Variants in PIEZO2 observed in about 807,000 individuals in gnomAD.
PIEZO2 encodes piezo type mechanosensitive ion channel component 2.
PIEZO2 carries 172 observed loss-of-function variants against 337.3 expected under a neutral mutation model. The ratio of observed to expected loss-of-function variants is 0.51; its 90% CI spans 0.45 to 0.58. PIEZO2 has a LOEUF of 0.58. Among genes scored for constraint, PIEZO2 ranks in the 20% least tolerant of loss-of-function variants. The probability of loss-of-function intolerance (pLI) is 0.00; values close to 1 mark genes in which losing one functional copy is unlikely to be tolerated. For synonymous variants in PIEZO2, 1,251 were observed against 1,228.5 expected, an observed-to-expected ratio of 1.02 and a Z score of -0.38; for missense variants, 3,028 against 3,391.3, an observed-to-expected ratio of 0.89 and a Z score of 2.66.
chr18:11,028,322 G>A lies in PIEZO2; in HGVS notation c.160+37805C>T, dbSNP rs577497057. ...GTTGCCCATGCTGGAGTGCAATGGCGTGATCTCGGCTCATTGCAACCTCTG... is the reference window on the plus strand; with the variant it reads ...GTTGCCCATGCTGGAGTGCAATGGCATGATCTCGGCTCATTGCAACCTCTG... On this transcript the variant is annotated intron_variant, in intron 2 of 55. Coordinates refer to ENST00000674853, the MANE Select transcript of PIEZO2 (RefSeq NM_001378183.1). This position sits in a 1 kb window ranked among gnomAD's most constrained non-coding sequence, Gnocchi z 4.8. 2.8e-4 allele frequency among the ~76,000 whole-genome samples: 42 copies of A among 151,772 alleles called. 1 individual carries two copies. The highest frequency in any genetic ancestry group is 8.5e-4 in the African/African-American group (35 of 41,318).
At position 10,979,038 on chromosome 18, in the gene PIEZO2, C is replaced by T. The variant is rs955077771; in HGVS notation, c.286+497G>A. 6.6e-6 allele frequency among the ~76,000 whole-genome samples: 1 copy of T among 152,038 alleles called. No individual in the cohort carries two copies. Among genetic ancestry groups the T allele is most frequent in the Non-Finnish European group, 1.5e-5 (1 of 68,000 alleles). On this transcript the variant is annotated intron_variant, in intron 3 of 55. Transcript: ENST00000674853. This position sits in a 1 kb window ranked among gnomAD's most constrained non-coding sequence, Gnocchi z 4.0. The stretch of plus-strand genomic sequence containing the variant: ...TATAAATACTAATAAAAAAAACCTT[C>T]CAATTCAGAAAAGAAACTACATGTG...
At chr18:10,762,042 G>A (rs78389419) in intron 23 of PIEZO2, among the ~76,000 whole-genome samples, 2,315 of 152,252 alleles carry the variant, frequency 0.015, 60 homozygotes, top group African/African-American at 0.051. Flanking sequence ...TTTACACAGC[G>A]AAAATGTCTT....
chr18:10,789,214 C>T lies in PIEZO2; in HGVS notation c.2034G>A (p.Leu678=), dbSNP rs929907756. 33 of 1,537,214 alleles carry T rather than the reference C, an allele frequency of 2.1e-5. No individual in the cohort carries two copies. The highest frequency in any genetic ancestry group is 2.9e-5 in the Non-Finnish European group (33 of 1,146,936). The change falls in exon 15 of 56, where the codon CTG becomes CTA. Residue 678 remains leucine, a synonymous_variant. Transcript: ENST00000674853. ...EQDIMKVLGN[L]VVAMFIKYWI... Reference sequence around the variant, plus strand: ...AGTACTTGATGAACATGGCCACCACCAGATTGCCCAGGACTTTCATGATGT... The same window carrying T: ...AGTACTTGATGAACATGGCCACCACTAGATTGCCCAGGACTTTCATGATGT...
chr18:10,867,686 T>C (rs1036833790), intron 5 of PIEZO2, among the ~76,000 whole-genome samples: 3 of 152,182 alleles, frequency 2.0e-5, no homozygotes, highest in African/African-American at 7.2e-5. Context: ...TCTCATATAA[T>C]AGCTAGAAAG....
At position 10,711,785 on chromosome 18, in the gene PIEZO2, G is replaced by A. The variant is rs756586809; in HGVS notation, c.5423+2979C>T. On this transcript the variant is annotated intron_variant, in intron 39 of 55. Coordinates refer to ENST00000674853, the MANE Select transcript of PIEZO2 (RefSeq NM_001378183.1). ...TGTACGTGATCGTATTCTTCACCGC[G>A]CAGGAGGAAACGATTCCAGTTGAAT... Among the ~76,000 whole-genome samples, 10 of 152,232 alleles carry A rather than the reference G, an allele frequency of 6.6e-5. 1 individual carries two copies. The Middle Eastern group carries it at 0.01, about 155-fold the overall frequency.
Position 10,797,507 on chromosome 18 carries a change from T to C in PIEZO2, c.1394A>G (p.Glu465Gly), listed in dbSNP as rs1243343111. 23 of 1,536,988 alleles carry C rather than the reference T, an allele frequency of 1.5e-5. No individual in the cohort carries two copies. Among genetic ancestry groups the C allele is most frequent in the Non-Finnish European group, 1.9e-5 (22 of 1,146,834 alleles). ...SDESSEKREE[E>G]EEEKEEFEEE... ...TTCAAATTCTTCTTTCTCTTCCTCT[T>C]CCTCCTCTCGCTTTTCTAGATGGAC... Residue 465 changes from glutamate (E) to glycine (G), a missense_variant, in exon 12 of 56, where the codon GAA becomes GGA. This residue lies in a region of PIEZO2 where 542 missense variants were observed against 605.6 expected (regional missense o/e 0.89). Coordinates refer to ENST00000674853, the MANE Select transcript of PIEZO2 (RefSeq NM_001378183.1).
At chr18:10,844,880 A>G (rs542700581) in intron 7 of PIEZO2, among the ~76,000 whole-genome samples, 1 of 152,108 alleles carries the variant, frequency 6.6e-6, no homozygotes, top group Non-Finnish European at 1.5e-5. Flanking sequence ...CATACAAAGT[A>G]ACTGACCAAA....
At chr18:10,738,068 T>C (rs888000553) in intron 33 of PIEZO2, 1 of 152,218 alleles carries the variant, frequency 6.6e-6, no homozygotes, top group Non-Finnish European at 1.5e-5. Flanking sequence ...TATTTTCATT[T>C]TGAAGAAAGA....
rs1265622383 is a variant in PIEZO2 at position 10,894,793 on chromosome 18, G to T, written c.329+16393C>A. ...CCTGCTCTAAAGCTTTTTAATAAAT[G>T]TTCACTCTTGCTCTAAATCTTGCCT... On this transcript the variant is annotated intron_variant, in intron 4 of 55. Transcript: ENST00000674853. This position sits in a 1 kb window ranked among gnomAD's most constrained non-coding sequence, Gnocchi z 4.1. The T allele has an allele frequency of 6.6e-6, 1 of 152,188 alleles. No homozygotes were observed. Among genetic ancestry groups the T allele is most frequent in the Admixed American group, 6.5e-5 (1 of 15,278 alleles). The allele number at this position is 152,188 out of a possible 1,614,324, so 9.4% of individuals were successfully genotyped here. A position where few individuals can be genotyped will look rare whatever the true frequency, so the allele number is the denominator to read the frequency against.
chr18:10,768,448 C>G (rs1352174621), intron 21 of PIEZO2, among the ~76,000 whole-genome samples: 1 of 152,082 alleles, frequency 6.6e-6, no homozygotes, highest in Non-Finnish European at 1.5e-5. Context: ...TGTCAAGAAC[C>G]CAGAGACCAA....
chr18:10,830,460 C>G lies in PIEZO2; in HGVS notation c.918-23186G>C, dbSNP rs761615746. Among the ~76,000 whole-genome samples, 14 of 151,884 alleles carry G rather than the reference C, an allele frequency of 9.2e-5. No homozygotes were observed. In the South Asian group the frequency reaches 2.9e-3, roughly 32 times the overall value. ...TTATTGAAGAGACTGTCCTTTCCCC[C>G]CTTTTATGCCTCTGGTTGCACTTGA... On this transcript the variant is annotated intron_variant, in intron 7 of 55. Coordinates refer to ENST00000674853, the MANE Select transcript of PIEZO2 (RefSeq NM_001378183.1). This position sits in a 1 kb window ranked among gnomAD's most constrained non-coding sequence, Gnocchi z 4.7.
In PIEZO2 at chr18:10,853,376, C is replaced by G. The variant is rs941486335; in HGVS notation, c.917+1977G>C. Reference sequence around the variant, plus strand: ...TACTTCACTTCCTTTCATTCCTGCTCTAAAGCTTTTTAATACATTGTCACT... The same window carrying G: ...TACTTCACTTCCTTTCATTCCTGCTGTAAAGCTTTTTAATACATTGTCACT... On this transcript the variant is annotated intron_variant, in intron 7 of 55. Coordinates refer to ENST00000674853, the MANE Select transcript of PIEZO2 (RefSeq NM_001378183.1). This position sits in a 1 kb window ranked among gnomAD's most constrained non-coding sequence, Gnocchi z 4.2. Among the ~76,000 whole-genome samples, 2 of 152,228 alleles carry G rather than the reference C, an allele frequency of 1.3e-5. No individual in the cohort carries two copies. The highest frequency in any genetic ancestry group is 3.2e-3 in the Middle Eastern group (1 of 316).
rs911684932 is a variant in PIEZO2, at chr18:10,759,213, GTGTGTGTGTGTGTGTT to G, written c.3757+253_3757+268del. On this transcript the variant is annotated intron_variant, in intron 26 of 55. Transcript: ENST00000674853. The surrounding 1 kb of genome is among the most constrained non-coding windows in gnomAD (Gnocchi z 5.5). ...AAGGTGGCTGTGTAAATGTGTGTGT[GTGTGTGTGTGTGTGTT>G]TGTGTGTGTGTGTTGGGGGAAGTGA... Among the ~76,000 whole-genome samples the G allele has an allele frequency of 2.9e-4, 16 of 55,946 alleles. No homozygotes were observed. The highest frequency in any genetic ancestry group is 1.0e-3 in the African/African-American group (15 of 14,938). 36.7% of individuals were successfully genotyped at this position (55,946 alleles called of 152,430 possible).
chr18:10,874,307 CA>C (rs150328726), intron 4 of PIEZO2, among the ~76,000 whole-genome samples: 10 of 150,028 alleles, frequency 6.7e-5, no homozygotes, highest in East Asian at 2.0e-4. Context: ...ATCAAAAAGA[CA>C]AAAAAAAATG....
At chr18:11,025,250 A>G (rs1247814515) in intron 2 of PIEZO2, among the ~76,000 whole-genome samples, 1 of 152,062 alleles carries the variant, frequency 6.6e-6, no homozygotes, top group Admixed American at 6.5e-5. Flanking sequence ...AAAATATATA[A>G]CCCTCTGGAA....
At position 11,035,466 on chromosome 18, in the gene PIEZO2, A is replaced by T. The variant is rs112306120; in HGVS notation, c.160+30661T>A. Among the ~76,000 whole-genome samples, 1,487 of 152,300 alleles carry T rather than the reference A, an allele frequency of 9.8e-3. 34 individuals are homozygous for T. Among genetic ancestry groups the T allele is most frequent in the African/African-American group, 0.034 (1,406 of 41,562 alleles). On this transcript the variant is annotated intron_variant, in intron 2 of 55. Transcript: ENST00000674853. The surrounding 1 kb of genome is among the most constrained non-coding windows in gnomAD (Gnocchi z 4.3). ...CCGTGCTTGCACAGCCTGCAGGACCATGAGTTAAATAAACCTGTTTCCTTT... is the reference window on the plus strand; with the variant it reads ...CCGTGCTTGCACAGCCTGCAGGACCTTGAGTTAAATAAACCTGTTTCCTTT...
rs55759850 is a variant in PIEZO2 at position 10,846,707 on chromosome 18, T to C, written c.917+8646A>G. Among the ~76,000 whole-genome samples the C allele has an allele frequency of 0.46, 70,192 of 151,848 alleles. 16,665 individuals carry two copies. Among genetic ancestry groups the C allele is most frequent in the African/African-American group, 0.59 (24,309 of 41,390 alleles). On this transcript the variant is annotated intron_variant, in intron 7 of 55. Coordinates refer to ENST00000674853, the MANE Select transcript of PIEZO2 (RefSeq NM_001378183.1). This position sits in a 1 kb window ranked among gnomAD's most constrained non-coding sequence, Gnocchi z 4.1. ...CAGAATAATTGCCTACAAGATAATT[T>C]TCCTTCCTTATAAAGGAAGATGGAA...
In PIEZO2 at chr18:11,077,133, C is replaced by G. The variant is rs2038575803; in HGVS notation, c.65-10911G>C. Among the ~76,000 whole-genome samples, 3 of 152,218 alleles carry G rather than the reference C, an allele frequency of 2.0e-5. No individual in the cohort carries two copies. The highest frequency in any genetic ancestry group is 7.2e-5 in the African/African-American group (3 of 41,526). On this transcript the variant is annotated intron_variant, in intron 1 of 55. Coordinates refer to ENST00000674853, the MANE Select transcript of PIEZO2 (RefSeq NM_001378183.1). The surrounding 1 kb of genome is among the most constrained non-coding windows in gnomAD (Gnocchi z 4.8). ...CTATTTCATTATGAATATAAAGAGCCCTTCACTGAAATCCACAGTTCCTAA... is the reference window on the plus strand; with the variant it reads ...CTATTTCATTATGAATATAAAGAGCGCTTCACTGAAATCCACAGTTCCTAA...
chr18:10,874,606 CT>C (rs2042223787), intron 4 of PIEZO2, among the ~76,000 whole-genome samples: 1 of 151,964 alleles, frequency 6.6e-6, no homozygotes, highest in South Asian at 2.1e-4. Context: ...AGAAAATATG[CT>C]GTATATACAC....
Sources: gnomAD v4.1 joint callset for allele counts (sites outside exome capture counted in the v4.1 genomes callset) on GRCh38, gnomAD v4.1.1 for gene constraint, gnomAD v4.1.1 regional missense constraint, Gnocchi (gnomAD v3.1) non-coding constraint, MANE v1.5 for transcripts, NCBI Gene and HGNC (gene_info 2026-07-23, HGNC 2026-07-21) for gene names.